The following FBXW8 variants were observed in gnomAD, a reference collection of about 807,000 sequenced individuals.
FBXW8 encodes the protein F-box/WD repeat-containing protein 8.
A neutral mutation model predicts 65.3 loss-of-function variants in FBXW8; 57 were observed. That is an observed-to-expected ratio of 0.87 (90% CI 0.71 to 1.09). FBXW8 has a LOEUF of 1.09. Among genes scored for constraint, FBXW8 ranks in the 50% least tolerant of loss-of-function variants. The probability of loss-of-function intolerance (pLI) is 0.00; values close to 1 mark genes in which losing one functional copy is unlikely to be tolerated. For missense variants in FBXW8, 777 were observed against 814.8 expected, an observed-to-expected ratio of 0.95 and a Z score of 0.57; for synonymous variants, 308 against 330.2, an observed-to-expected ratio of 0.93 and a Z score of 0.73.
At chr12:116,943,872 A>C (rs919183449) in intron 2 of FBXW8, among the ~76,000 whole-genome samples, 10 of 152,122 alleles carry the variant, frequency 6.6e-5, no homozygotes, top group Non-Finnish European at 1.2e-4. Context: ...GCCACTTACT[A>C]TTTTGGGTAA....
Position 116,988,712 on chromosome 12 carries a change from T to C in FBXW8, c.1082T>C (p.Val361Ala). The change falls in exon 7 of 11, where the codon GTA becomes GCA. Residue 361 changes from valine to alanine, a missense_variant. Physicochemically the swap from Val to Ala is moderately conservative, Grantham distance 64. Coordinates refer to ENST00000652555, the MANE Select transcript of FBXW8 (RefSeq NM_153348.3). ...VPETRRYPVA[V>A]AAAGDLMYLL... ...GAAACCAGAAGGTACCCTGTGGCAG[T>C]AGCCGCTGCTGGAGATCTGATGTAC... 1 of 1,614,178 alleles carries C rather than the reference T, an allele frequency of 6.2e-7. No individual in the cohort carries two copies. Among genetic ancestry groups the C allele is most frequent in the Non-Finnish European group, 8.5e-7 (1 of 1,180,030 alleles).
At chr12:116,977,041 C>T (rs1884991547) in intron 5 of FBXW8, among the ~76,000 whole-genome samples, 1 of 152,134 alleles carries the variant, frequency 6.6e-6, no homozygotes, top group African/African-American at 2.4e-5. Flanking sequence ...GGCCTTGTGG[C>T]AAAACCATCT....
chr12:117,027,824 A>G (rs998848944), intron 10 of FBXW8, among the ~76,000 whole-genome samples: 3 of 152,200 alleles, frequency 2.0e-5, no homozygotes, highest in African/African-American at 7.2e-5. Context: ...TGTGACACTC[A>G]CTGCGCCCAT....
intron 7 of FBXW8, among the ~76,000 whole-genome samples, chr12:116,999,165 ACTC>A (rs1299536380): frequency 6.6e-6 from 1 of 152,070 alleles, no homozygotes; most frequent in Non-Finnish European, 1.5e-5. Context: ...GCAAAGGAAA[ACTC>A]CTGCTCAGCC....
chr12:117,022,905 G>T (rs147108147), intron 8 of FBXW8, among the ~76,000 whole-genome samples: 115 of 152,238 alleles, frequency 7.6e-4, no homozygotes, highest in African/African-American at 2.6e-3. Flanking sequence ...AGCTCTTCTT[G>T]TTAATAGGAA....
intron 7 of FBXW8, among the ~76,000 whole-genome samples, chr12:116,999,339 G>A (rs900640585): frequency 1.3e-5 from 2 of 152,202 alleles, no homozygotes; most frequent in Non-Finnish European, 2.9e-5. Flanking sequence ...TGCCAGGGAC[G>A]TGGGATGACC....
intron 1 of FBXW8, among the ~76,000 whole-genome samples, chr12:116,918,054 C>A (rs1246709038): frequency 4.0e-5 from 6 of 151,662 alleles, no homozygotes; most frequent in Middle Eastern, 3.5e-3. Context: ...TTTTATGAAG[C>A]TTTTAGTAAT....
At chr12:116,927,632 G>A (rs1225286601) in intron 1 of FBXW8, among the ~76,000 whole-genome samples, 1 of 152,152 alleles carries the variant, frequency 6.6e-6, no homozygotes, top group Non-Finnish European at 1.5e-5. Context: ...CTGATTTCAA[G>A]CCTCACTTTC....
intron 4 of FBXW8, 123 bp from the exon 5 acceptor site, chr12:116,964,569 GTGCCT>G (rs2137390409): frequency 1.0e-6 from 1 of 1,001,112 alleles, no homozygotes; most frequent in Non-Finnish European, 1.5e-6. Context: ...CATCTAAACA[GTGCCT>G]CAGCAGTGGC....
rs769038555 is a variant in FBXW8, at chr12:116,945,486, A to G, written c.546A>G (p.Gln182=). 7 of 1,614,180 alleles carry G rather than the reference A, an allele frequency of 4.3e-6. No homozygotes were observed. Among genetic ancestry groups the G allele is most frequent in the East Asian group, 2.2e-5 (1 of 44,892 alleles). Residue 182 remains glutamine (Q), a synonymous_variant, in exon 3 of 11, where the codon CAA becomes CAG. Coordinates refer to ENST00000652555, the MANE Select transcript of FBXW8 (RefSeq NM_153348.3). ...ATTCTTGCTGGAAGCTCATCTTCCA[A>G]GAGTGCCGAGCCAAGGAACACATGT... The part of the protein sequence containing the change: ...SDYSCWKLIF[Q]ECRAKEHMLR...
intron 5 of FBXW8, among the ~76,000 whole-genome samples, chr12:116,977,270 A>AT (rs200011709): frequency 8.6e-4 from 131 of 151,470 alleles, no homozygotes; most frequent in African/African-American, 2.2e-3. Context: ...TAATTTTAAG[A>AT]TTTTTTTTTC....
intron 1 of FBXW8, among the ~76,000 whole-genome samples, chr12:116,917,775 G>A (rs957286637): frequency 1.3e-5 from 2 of 152,062 alleles, no homozygotes; most frequent in East Asian, 1.9e-4. Context: ...GATGGATCAC[G>A]AGGTCAGGAG....
At chr12:116,991,031 G>T (rs1000459802) in intron 7 of FBXW8, among the ~76,000 whole-genome samples, 1 of 152,118 alleles carries the variant, frequency 6.6e-6, no homozygotes. Flanking sequence ...TGGTGTTTTC[G>T]CTGGTGTTTT....
chr12:117,026,960 G>C (rs762319201), intron 9 of FBXW8, among the ~76,000 whole-genome samples: 2 of 152,174 alleles, frequency 1.3e-5, no homozygotes, highest in Non-Finnish European at 2.9e-5. Flanking sequence ...AGCAGGATGT[G>C]GGGGGCACCT....
At chr12:116,960,076 A>G (rs1236488072) in intron 4 of FBXW8, among the ~76,000 whole-genome samples, 1 of 152,242 alleles carries the variant, frequency 6.6e-6, no homozygotes, top group African/African-American at 2.4e-5. Flanking sequence ...TGTAATTGTC[A>G]TTAGGCAGCG....
At chr12:116,939,504 C>T (rs11068249) in intron 2 of FBXW8, among the ~76,000 whole-genome samples, 3 of 152,176 alleles carry the variant, frequency 2.0e-5, no homozygotes, top group Non-Finnish European at 2.9e-5. Context: ...TTATTAACAC[C>T]TGGAGGTGTT....
chr12:117,016,939 CTG>C (rs1277342165), intron 8 of FBXW8, among the ~76,000 whole-genome samples: 2 of 152,228 alleles, frequency 1.3e-5, no homozygotes, highest in African/African-American at 4.8e-5. Flanking sequence ...AATCAATGGA[CTG>C]TAACTTTGAG....
Position 117,027,399 on chromosome 12 carries a change from C to T in FBXW8, c.1547C>T (p.Pro516Leu), listed in dbSNP as rs142895219. The change falls in exon 10 of 11, where the codon CCG (proline) becomes CTG (leucine). Residue 516 changes from proline (P) to leucine (L), a missense_variant. Coordinates refer to ENST00000652555, the MANE Select transcript of FBXW8 (RefSeq NM_153348.3). ...QKLWEVYSGH[P>L]VQHISFSSHS... ...TCTCTCCCACTGCCTTCCAGGCACC[C>T]GGTGCAGCACATCTCATTCAGCAGC... 2.7e-5 allele frequency: 44 copies of T among 1,613,794 alleles called. No individual in the cohort carries two copies. The African/African-American group carries it at 4.7e-4, about 17-fold the overall frequency.
chr12:116,961,063 C>A lies in FBXW8; in HGVS notation c.678-3634C>A, dbSNP rs1031444355. ...GGAGGCTGGAATGCAGTGGCACAAT[C>A]TCGGCTCACTGCAACCTCCACCTCC... On this transcript the variant is annotated intron_variant, in intron 4 of 10. Coordinates refer to ENST00000652555, the MANE Select transcript of FBXW8 (RefSeq NM_153348.3). This position sits in a 1 kb window ranked among gnomAD's most constrained non-coding sequence, Gnocchi z 4.4. 7.9e-5 allele frequency among the ~76,000 whole-genome samples: 12 copies of A among 152,184 alleles called. No homozygotes were observed. The highest frequency in any genetic ancestry group is 2.9e-4 in the African/African-American group (12 of 41,446).
Sources: gnomAD v4.1 joint callset for allele counts (sites outside exome capture counted in the v4.1 genomes callset) on GRCh38, gnomAD v4.1.1 for gene constraint, Gnocchi (gnomAD v3.1) non-coding constraint, MANE v1.5 for transcripts, NCBI Gene and HGNC (gene_info 2026-07-23, HGNC 2026-07-21) for gene names.